The following SCN8A variants were observed in gnomAD, a reference collection of about 807,000 sequenced individuals.
SCN8A encodes sodium voltage-gated channel alpha subunit 8, also known as sodium channel protein type 8 subunit alpha.
A neutral mutation model predicts 184.1 loss-of-function variants in SCN8A; 30 were observed. The ratio of observed to expected loss-of-function variants is 0.16; its 90% CI spans 0.12 to 0.22. The LOEUF (loss-of-function observed/expected upper bound fraction) is 0.22, where lower values mean the gene tolerates loss of function less well. Among genes scored for constraint, SCN8A ranks in the 10% least tolerant of loss-of-function variants. The pLI, the probability that SCN8A is intolerant of heterozygous loss-of-function variation, is 1.00. For missense variants in SCN8A, 1,057 were observed against 2,498.9 expected (o/e 0.42, Z 12.30); for synonymous variants, 852 against 907.0 (o/e 0.94, Z 1.09).
rs1345164203 is a variant in SCN8A, at chr12:51,812,158, C to G, written c.*4729C>G. ...CACCCCCTGCCCCTGCCCCCCACTG[C>G]TGTTTGCTGTACATAGAGGCTAAGT... On this transcript the variant is annotated 3_prime_UTR_variant, in exon 27 of 27. Transcript: ENST00000627620. The G allele has an allele frequency of 7.5e-6, 1 of 134,156 alleles. No individual in the cohort carries two copies. The highest frequency in any genetic ancestry group is 2.6e-4 in the East Asian group (1 of 3,804). 8.3% of individuals were successfully genotyped at this position (134,156 alleles called of 1,614,324 possible).
chr12:51,746,294 A>G (rs746590289), intron 13 of SCN8A, among the ~76,000 whole-genome samples: 5 of 152,180 alleles, frequency 3.3e-5, no homozygotes, highest in African/African-American at 4.8e-5. Context: ...TGCATGAGTG[A>G]CCTAGAGGAG....
rs558451722 is a variant in SCN8A, at chr12:51,596,933, AG to A, written c.-55+5576del. Among the ~76,000 whole-genome samples, 25 of 152,306 alleles carry A rather than the reference AG, an allele frequency of 1.6e-4. No individual in the cohort carries two copies. In the South Asian group the frequency reaches 5.2e-3, roughly 32 times the overall value. On this transcript the variant is annotated intron_variant, in intron 1 of 26. Transcript: ENST00000627620. The stretch of plus-strand genomic sequence containing the variant: ...TTACCTGGACTTCTTTGCTTATGCA[AG>A]GCTGAAACTGGTGTGAGACTCAGAG...
At chr12:51,647,244 G>C in intron 1 of SCN8A, among the ~76,000 whole-genome samples, 1 of 152,192 alleles carries the variant, frequency 6.6e-6, no homozygotes, top group South Asian at 2.1e-4. Flanking sequence ...TCTCCTGATA[G>C]TTACTTATGG....
At chr12:51,764,601 C>T (rs1054594391) in intron 15 of SCN8A, among the ~76,000 whole-genome samples, 3 of 152,018 alleles carry the variant, frequency 2.0e-5, no homozygotes, top group African/African-American at 7.2e-5. Flanking sequence ...CGTTGCTGCA[C>T]ACCAGCCTGG....
At chr12:51,746,728 A>T (rs1942516798) in intron 13 of SCN8A, among the ~76,000 whole-genome samples, 1 of 152,178 alleles carries the variant, frequency 6.6e-6, no homozygotes, top group Non-Finnish European at 1.5e-5. Flanking sequence ...GTGCTGAGGA[A>T]TACCTGAAGA....
At chr12:51,778,354 C>T (rs563001206) in intron 20 of SCN8A, among the ~76,000 whole-genome samples, 2 of 152,128 alleles carry the variant, frequency 1.3e-5, no homozygotes, top group East Asian at 1.9e-4. Flanking sequence ...GCACCATCTC[C>T]GCTCACTGCA....
rs778298572 is a variant in SCN8A, at chr12:51,770,508, C to T, written c.3491-21C>T. ...CGGGGCACGTTTCCACGGTCTGACC[C>T]GCCTCTCCCGCTGGTGCCAGGTTGT... On this transcript the variant is annotated intron_variant, in intron 18 of 26. Coordinates refer to ENST00000627620, the MANE Select transcript of SCN8A (RefSeq NM_001330260.2). 12 of 1,563,652 alleles carry T rather than the reference C, an allele frequency of 7.7e-6. No individual in the cohort carries two copies. The East Asian group carries it at 1.2e-4, about 15-fold the overall frequency.
At chr12:51,615,140 A>AT (rs34557952) in intron 1 of SCN8A, among the ~76,000 whole-genome samples, 1,834 of 150,596 alleles carry the variant, frequency 0.012, 14 homozygotes, top group Non-Finnish European at 0.016. Context: ...TTAATATTCT[A>AT]TTTTTTTTTT....
chr12:51,723,839 C>T (rs1184707962), intron 12 of SCN8A, among the ~76,000 whole-genome samples: 1 of 86,372 alleles, frequency 1.2e-5, no homozygotes, highest in Non-Finnish European at 3.0e-5. Context: ...CAGAGCGAGA[C>T]TCCATCTTAA....
At chr12:51,630,404 G>A (rs1369521457) in intron 1 of SCN8A, among the ~76,000 whole-genome samples, 1 of 152,034 alleles carries the variant, frequency 6.6e-6, no homozygotes, top group East Asian at 1.9e-4. Flanking sequence ...TTAGCATAAT[G>A]TCTTCAAGGG....
At chr12:51,613,984 G>A (rs545287008) in intron 1 of SCN8A, among the ~76,000 whole-genome samples, 2 of 152,204 alleles carry the variant, frequency 1.3e-5, no homozygotes, top group South Asian at 4.1e-4. Context: ...CTAGCTTGGC[G>A]ACTGTACATG....
chr12:51,799,755 C>T (rs1462204571), intron 26 of SCN8A, among the ~76,000 whole-genome samples: 1 of 152,156 alleles, frequency 6.6e-6, no homozygotes, highest in Non-Finnish European at 1.5e-5. Context: ...ATGTGTTGCC[C>T]CCAAAATCCA....
chr12:51,788,312 T>TTTTTTTTTTTTTTTTTTTCCC (rs1938146125), intron 22 of SCN8A, among the ~76,000 whole-genome samples: 1 of 142,554 alleles, frequency 7.0e-6, no homozygotes, highest in African/African-American at 2.6e-5. Context: ...TTTTTTTGCT[T>TTTTTTTTTTTTTTTTTTTCCC]ACCACCTTTT....
rs1289485018 is a variant in SCN8A at position 51,781,644 on chromosome 12, G to A, written c.3942+873G>A. ...TTTAAACAATTGTGCGTGTGCGTGC[G>A]TGCACGCGCACGCACGCGCACACAC... On this transcript the variant is annotated intron_variant, in intron 21 of 26. Coordinates refer to ENST00000627620, the MANE Select transcript of SCN8A (RefSeq NM_001330260.2). Among the ~76,000 whole-genome samples, 28 of 152,038 alleles carry A rather than the reference G, an allele frequency of 1.8e-4. 1 individual carries two copies. The highest frequency in any genetic ancestry group is 1.2e-4 in the Non-Finnish European group (8 of 67,994).
chr12:51,787,450 C>T (rs1364511185), intron 22 of SCN8A, among the ~76,000 whole-genome samples: 1 of 152,178 alleles, frequency 6.6e-6, no homozygotes. Flanking sequence ...GCAGTGAAAG[C>T]TCGTAGGCTT....
intron 1 of SCN8A, among the ~76,000 whole-genome samples, chr12:51,632,428 G>A (rs1309179589): frequency 6.6e-6 from 1 of 152,090 alleles, no homozygotes; most frequent in Non-Finnish European, 1.5e-5. Context: ...GTTCTCCTTT[G>A]AGTTCTAGTG....
chr12:51,758,149 C>T (rs976479436), intron 14 of SCN8A, among the ~76,000 whole-genome samples: 4 of 152,090 alleles, frequency 2.6e-5, no homozygotes, highest in South Asian at 2.1e-4. Flanking sequence ...CATAGCGAGA[C>T]CCCATCTCTA....
chr12:51,616,015 A>AGCC lies in SCN8A; in HGVS notation c.-55+24657_-55+24659dup, dbSNP rs1939829020. On this transcript the variant is annotated intron_variant, in intron 1 of 26. Coordinates refer to ENST00000627620, the MANE Select transcript of SCN8A (RefSeq NM_001330260.2). ...CCAAAATGGTGAGACTACAGGCGTG[A>AGCC]GCCACCACAGTTGGCCTCATCATTT... Among the ~76,000 whole-genome samples the AGCC allele has an allele frequency of 3.9e-5, 6 of 152,290 alleles. No individual in the cohort carries two copies. In the South Asian group the frequency reaches 1.2e-3, roughly 32 times the overall value.
intron 16 of SCN8A, among the ~76,000 whole-genome samples, chr12:51,767,026 C>G (rs1312205967): frequency 6.6e-6 from 1 of 152,130 alleles, no homozygotes; most frequent in African/African-American, 2.4e-5. Flanking sequence ...TAAAAGGCTC[C>G]TACTCACCAG....
Sources: gnomAD v4.1 joint callset for allele counts (sites outside exome capture counted in the v4.1 genomes callset) on GRCh38, gnomAD v4.1.1 for gene constraint, MANE v1.5 for transcripts, NCBI Gene and HGNC (gene_info 2026-07-23, HGNC 2026-07-21) for gene names.